Variants in SLIT2 observed in about 807,000 individuals in gnomAD.
The protein encoded by SLIT2 is slit guidance ligand 2.
SLIT2 carries 41 observed loss-of-function variants against 185.7 expected under a neutral mutation model. That is an observed-to-expected ratio of 0.22 (90% confidence interval 0.17 to 0.29). The LOEUF (loss-of-function observed/expected upper bound fraction) is 0.29. SLIT2 is among the 10% of genes least tolerant of loss of function. The probability of loss-of-function intolerance (pLI) is 1.00; values close to 1 mark genes in which losing one functional copy is unlikely to be tolerated. For missense variants in SLIT2, 1,571 were observed against 1,909.0 expected, an observed-to-expected ratio of 0.82 and a Z score of 3.30; for synonymous variants, 693 against 680.2, an observed-to-expected ratio of 1.02 and a Z score of -0.29.
intron 4 of SLIT2, among the ~76,000 whole-genome samples, chr4:20,401,077 A>G (rs1460478303): frequency 6.6e-6 from 1 of 151,850 alleles, no homozygotes; most frequent in Non-Finnish European, 1.5e-5. Flanking sequence ...GAACCACTGA[A>G]TCTAAGTTGA....
intron 11 of SLIT2, among the ~76,000 whole-genome samples, chr4:20,512,813 A>G (rs1311415599): frequency 1.3e-5 from 2 of 152,186 alleles, no homozygotes; most frequent in African/African-American, 4.8e-5. Flanking sequence ...ATTCTTATTT[A>G]TATCGGCTTG....
At chr4:20,298,077 T>C (rs1716661627) in intron 4 of SLIT2, among the ~76,000 whole-genome samples, 1 of 151,608 alleles carries the variant, frequency 6.6e-6, no homozygotes, top group South Asian at 2.1e-4. Flanking sequence ...CGGTATCTTC[T>C]GTTAGTTTTT....
chr4:20,416,165 A>T (rs1727665796), intron 4 of SLIT2, among the ~76,000 whole-genome samples: 1 of 152,214 alleles, frequency 6.6e-6, no homozygotes, highest in Admixed American at 6.5e-5. Context: ...CACTAGGGCT[A>T]CCATAGCAAA....
chr4:20,351,552 C>T (rs1052224308), intron 4 of SLIT2, among the ~76,000 whole-genome samples: 30 of 152,124 alleles, frequency 2.0e-4, no homozygotes, highest in African/African-American at 7.2e-4. Flanking sequence ...CCACAGACAG[C>T]TCCCCAGGTT....
intron 4 of SLIT2, among the ~76,000 whole-genome samples, chr4:20,404,810 T>C (rs1726640940): frequency 1.3e-5 from 2 of 151,998 alleles, no homozygotes. Flanking sequence ...AAACTTAATA[T>C]CCACAAAATC....
At chr4:20,281,045 C>A (rs1254714229) in intron 4 of SLIT2, among the ~76,000 whole-genome samples, 1 of 152,076 alleles carries the variant, frequency 6.6e-6, no homozygotes, top group Non-Finnish European at 1.5e-5. Context: ...GTTGGTCAGG[C>A]TGGCGTCAAA....
At chr4:20,567,892 G>GT (rs1725239848) in intron 28 of SLIT2, among the ~76,000 whole-genome samples, 1 of 152,022 alleles carries the variant, frequency 6.6e-6, no homozygotes, top group Non-Finnish European at 1.5e-5. Flanking sequence ...GCAAGACAAA[G>GT]TATTAATATT....
At chr4:20,438,809 T>C (rs986690768) in intron 4 of SLIT2, among the ~76,000 whole-genome samples, 17 of 152,236 alleles carry the variant, frequency 1.1e-4, no homozygotes, top group African/African-American at 4.1e-4. Flanking sequence ...GTCTAGAATA[T>C]TCTTCCCTAT....
chr4:20,366,777 T>G (rs1173552469), intron 4 of SLIT2, among the ~76,000 whole-genome samples: 1 of 152,012 alleles, frequency 6.6e-6, no homozygotes, highest in Non-Finnish European at 1.5e-5. Flanking sequence ...CAATAATATT[T>G]TAGGGTTTTT....
At chr4:20,608,586 A>G (rs1207863993) in intron 33 of SLIT2, among the ~76,000 whole-genome samples, 6 of 152,176 alleles carry the variant, frequency 3.9e-5, no homozygotes, top group African/African-American at 1.4e-4. Context: ...AGATTCCTGT[A>G]CACGTGGACT....
intron 26 of SLIT2, among the ~76,000 whole-genome samples, chr4:20,565,322 C>T (rs1176945241): frequency 2.0e-5 from 3 of 151,970 alleles, no homozygotes. Context: ...CTTCACCGTT[C>T]CATCCTACGC....
At chr4:20,364,021 G>T (rs1029313210) in intron 4 of SLIT2, among the ~76,000 whole-genome samples, 1 of 152,052 alleles carries the variant, frequency 6.6e-6, no homozygotes, top group African/African-American at 2.4e-5. Flanking sequence ...TTGTATATAT[G>T]TCAAAAAATA....
At chr4:20,437,914 CAAA>C (rs1224604666) in intron 4 of SLIT2, among the ~76,000 whole-genome samples, 3 of 65,610 alleles carry the variant, frequency 4.6e-5, no homozygotes, top group South Asian at 1.3e-3. Flanking sequence ...GACTCCGTCT[CAAA>C]AAAAAAAAAA....
intron 4 of SLIT2, among the ~76,000 whole-genome samples, chr4:20,409,990 G>A (rs929545508): frequency 6.6e-6 from 1 of 152,030 alleles, no homozygotes; most frequent in African/African-American, 2.4e-5. Flanking sequence ...TAAATGGATT[G>A]CAAAAGATTT....
intron 4 of SLIT2, among the ~76,000 whole-genome samples, chr4:20,366,100 T>C (rs919319462): frequency 2.0e-5 from 3 of 152,282 alleles, no homozygotes. Context: ...TGAAATGATA[T>C]GCTCAGTGTT....
chr4:20,516,413 A>C (rs1182686053), intron 11 of SLIT2, among the ~76,000 whole-genome samples: 4 of 152,192 alleles, frequency 2.6e-5, no homozygotes, highest in Admixed American at 6.5e-5. Flanking sequence ...GAAACTGTAG[A>C]AAAGATACTC....
intron 4 of SLIT2, among the ~76,000 whole-genome samples, chr4:20,343,185 C>T (rs963857577): frequency 6.6e-6 from 1 of 152,026 alleles, no homozygotes; most frequent in African/African-American, 2.4e-5. Flanking sequence ...TATGTTTGTA[C>T]CCATTAACCA....
intron 4 of SLIT2, among the ~76,000 whole-genome samples, chr4:20,437,736 C>A (rs180961134): frequency 6.6e-6 from 1 of 151,848 alleles, no homozygotes; most frequent in Non-Finnish European, 1.5e-5. Context: ...CATGGTGAAA[C>A]CCTGTCTCTA....
chr4:20,548,530 C>T lies in SLIT2; in HGVS notation c.2388C>T (p.Ser796=), dbSNP rs1191137730. 1.2e-6 allele frequency: 2 copies of T among 1,608,392 alleles called. No homozygotes were observed. The highest frequency in any genetic ancestry group is 1.1e-5 in the South Asian group (1 of 90,936). Residue 796 remains serine (S), a synonymous_variant, in exon 23 of 37, where the codon AGC becomes AGT. Transcript: ENST00000504154. Reference sequence around the variant, plus strand: ...GAATAAGCACGCTTTCTAATCAGAGCTTCAGCAACATGACCCAGCTCCTCA... The same window carrying T: ...GAATAAGCACGCTTTCTAATCAGAGTTTCAGCAACATGACCCAGCTCCTCA... ...NNRISTLSNQ[S]FSNMTQLLTL...
Sources: allele counts gnomAD v4.1 joint callset (sites outside exome capture counted in the v4.1 genomes callset), GRCh38; gene constraint gnomAD v4.1.1; transcripts MANE v1.5; gene names NCBI Gene and HGNC (gene_info 2026-07-23, HGNC 2026-07-21).